Variants in NEDD4L observed in about 807,000 individuals in gnomAD.
NEDD4L encodes the protein NEDD4 like E3 ubiquitin protein ligase.
A neutral mutation model predicts 148.9 loss-of-function variants in NEDD4L; 54 were observed. The ratio of observed to expected loss-of-function variants is 0.36; its 90% CI spans 0.29 to 0.45. The LOEUF (loss-of-function observed/expected upper bound fraction) is 0.45. Among genes scored for constraint, NEDD4L ranks in the 20% least tolerant of loss-of-function variants. The probability of loss-of-function intolerance (pLI) is 1.00; values close to 1 mark genes in which losing one functional copy is unlikely to be tolerated. For missense variants in NEDD4L, 856 were observed against 1,233.8 expected, an observed-to-expected ratio of 0.69 and a Z score of 4.59; for synonymous variants, 433 against 440.7, an observed-to-expected ratio of 0.98 and a Z score of 0.22.
intron 1 of NEDD4L, among the ~76,000 whole-genome samples, chr18:58,155,257 A>G (rs545770356): frequency 4.0e-4 from 55 of 136,306 alleles, no homozygotes; most frequent in Non-Finnish European, 7.0e-4. Context: ...AATTGCGACT[A>G]TCTTGTGTTT....
At chr18:58,297,267 A>C (rs971940354) in intron 5 of NEDD4L, among the ~76,000 whole-genome samples, 14 of 152,264 alleles carry the variant, frequency 9.2e-5, no homozygotes, top group African/African-American at 3.4e-4. Context: ...TATTCAGCCT[A>C]CTGTCCCCTA....
intron 9 of NEDD4L, among the ~76,000 whole-genome samples, chr18:58,328,218 G>A (rs1204868113): frequency 6.6e-6 from 1 of 152,160 alleles, no homozygotes; most frequent in Non-Finnish European, 1.5e-5. Context: ...GCCCGCCTTG[G>A]CCTCCCAAAG....
intron 2 of NEDD4L, among the ~76,000 whole-genome samples, chr18:58,221,164 G>T (rs764751967): frequency 1.2e-4 from 19 of 152,172 alleles, no homozygotes; most frequent in Non-Finnish European, 1.8e-4. Context: ...GTGGGGCCTC[G>T]AGGGCCAGAA....
intron 2 of NEDD4L, among the ~76,000 whole-genome samples, chr18:58,238,775 A>G (rs945770364): frequency 4.6e-5 from 7 of 152,194 alleles, no homozygotes; most frequent in African/African-American, 1.7e-4. Flanking sequence ...TACTTCTGCC[A>G]TGTTGTTTCC....
intron 24 of NEDD4L, among the ~76,000 whole-genome samples, chr18:58,376,631 C>T (rs1313955530): frequency 6.6e-6 from 1 of 152,154 alleles, no homozygotes; most frequent in Non-Finnish European, 1.5e-5. Flanking sequence ...CTCCCATCTT[C>T]CCCACTAGAC....
intron 18 of NEDD4L, among the ~76,000 whole-genome samples, chr18:58,356,657 C>A (rs2044704697): frequency 1.3e-5 from 2 of 152,128 alleles, no homozygotes; most frequent in Non-Finnish European, 2.9e-5. Flanking sequence ...TTTTGGACTG[C>A]CTAAGCTGCT....
intron 1 of NEDD4L, among the ~76,000 whole-genome samples, chr18:58,083,842 T>G (rs1226814498): frequency 6.6e-6 from 1 of 152,228 alleles, no homozygotes; most frequent in African/African-American, 2.4e-5. Flanking sequence ...GCAATATGGA[T>G]GAACCTGCCA....
At position 58,201,567 on chromosome 18, in the gene NEDD4L, A is replaced by G. The variant is rs191242033; in HGVS notation, c.122+35706A>G. 2.0e-5 allele frequency among the ~76,000 whole-genome samples: 3 copies of G among 152,320 alleles called. No individual in the cohort carries two copies. In the East Asian group the frequency reaches 5.8e-4, roughly 29 times the overall value. On this transcript the variant is annotated intron_variant, in intron 2 of 30. Transcript: ENST00000400345. Reference sequence around the variant, plus strand: ...GGGATGACAATAGAAACAGGTTTCAAAGTCAGGTGAAATAATGTTTCTCTA... The same window carrying G: ...GGGATGACAATAGAAACAGGTTTCAGAGTCAGGTGAAATAATGTTTCTCTA...
chr18:58,161,119 C>T (rs1045373219), intron 1 of NEDD4L, among the ~76,000 whole-genome samples: 5 of 152,074 alleles, frequency 3.3e-5, no homozygotes, highest in Admixed American at 2.0e-4. Context: ...TGGGTTCAAG[C>T]GATTCTCCTG....
chr18:58,077,562 G>A (rs570417227), intron 1 of NEDD4L, among the ~76,000 whole-genome samples: 1 of 152,158 alleles, frequency 6.6e-6, no homozygotes, highest in African/African-American at 2.4e-5. Flanking sequence ...TCTTTTCCAG[G>A]GATTTTTTTC....
chr18:58,238,622 A>G (rs889139447), intron 2 of NEDD4L, among the ~76,000 whole-genome samples: 1 of 152,164 alleles, frequency 6.6e-6, no homozygotes, highest in Non-Finnish European at 1.5e-5. Flanking sequence ...GTTTGCTTCT[A>G]ATTTTTTCTT....
chr18:58,089,424 G>A (rs144212239), intron 1 of NEDD4L, among the ~76,000 whole-genome samples: 28 of 152,102 alleles, frequency 1.8e-4, no homozygotes, highest in African/African-American at 3.9e-4. Flanking sequence ...CGTGAACCAC[G>A]ATGCCTGGCC....
At chr18:58,340,365 A>G (rs184222294) in intron 13 of NEDD4L, among the ~76,000 whole-genome samples, 6 of 152,236 alleles carry the variant, frequency 3.9e-5, no homozygotes, top group East Asian at 3.9e-4. Context: ...TTCACCTTCA[A>G]AGAAACACAC....
chr18:58,118,467 A>C (rs995753953), intron 1 of NEDD4L, among the ~76,000 whole-genome samples: 5 of 152,242 alleles, frequency 3.3e-5, no homozygotes, highest in Non-Finnish European at 7.3e-5. Flanking sequence ...GAGTGTGTTA[A>C]AACAATTTGT....
chr18:58,062,631 G>A (rs1039882113), intron 1 of NEDD4L, among the ~76,000 whole-genome samples: 1 of 152,166 alleles, frequency 6.6e-6, no homozygotes, highest in African/African-American at 2.4e-5. Context: ...CTGCTTTTCA[G>A]ATCCCATGTT....
rs746496085 is a variant in NEDD4L, at chr18:58,092,947, G to A, written c.48+48239G>A. ...ATGATCTCGGCTCACTGCAAGCTCCGCCTCCCAAGTTCACGCCATTCTCCT... is the reference window on the plus strand; with the variant it reads ...ATGATCTCGGCTCACTGCAAGCTCCACCTCCCAAGTTCACGCCATTCTCCT... On this transcript the variant is annotated intron_variant, in intron 1 of 30. Coordinates refer to ENST00000400345, the MANE Select transcript of NEDD4L (RefSeq NM_001144967.3). Among the ~76,000 whole-genome samples the A allele has an allele frequency of 3.4e-5, 5 of 148,518 alleles. No individual in the cohort carries two copies. In the East Asian group the frequency reaches 5.9e-4, roughly 18 times the overall value.
intron 18 of NEDD4L, among the ~76,000 whole-genome samples, chr18:58,355,329 T>C (rs761063986): frequency 6.6e-6 from 1 of 152,170 alleles, no homozygotes; most frequent in Non-Finnish European, 1.5e-5. Context: ...GAGTGGATTG[T>C]GATACTGCAC....
chr18:58,291,800 T>A (rs1243897024), intron 5 of NEDD4L, among the ~76,000 whole-genome samples: 1 of 152,154 alleles, frequency 6.6e-6, no homozygotes, highest in South Asian at 2.1e-4. Context: ...ATGGATACAG[T>A]GAACATTTGT....
chr18:58,318,177 G>A (rs2058461815), intron 6 of NEDD4L, among the ~76,000 whole-genome samples: 1 of 152,184 alleles, frequency 6.6e-6, no homozygotes, highest in African/African-American at 2.4e-5. Context: ...TGGATGCTGT[G>A]TTCTTGATTA....
Sources: gnomAD v4.1 joint callset for allele counts (sites outside exome capture counted in the v4.1 genomes callset) on GRCh38, gnomAD v4.1.1 for gene constraint, MANE v1.5 for transcripts, NCBI Gene and HGNC (gene_info 2026-07-23, HGNC 2026-07-21) for gene names.